CDC42BPG: variants seen among roughly 807,000 people sequenced by gnomAD.
CDC42BPG encodes the protein CDC42 binding protein kinase gamma, also known as serine/threonine-protein kinase MRCK gamma.
In CDC42BPG, 157 loss-of-function variants were observed where a neutral mutation model predicts 192.2. The ratio of observed to expected loss-of-function variants is 0.82; its 90% confidence interval spans 0.72 to 0.93. The LOEUF is 0.93. CDC42BPG is among the 40% of genes least tolerant of loss of function. The pLI, the probability that CDC42BPG is intolerant of heterozygous loss-of-function variation, is 0.00. For missense variants in CDC42BPG, 1,992 were observed against 2,122.1 expected (o/e 0.94, Z 1.20); for synonymous variants, 981 against 918.5 (o/e 1.07, Z -1.23).
At chr11:64,840,514 C>T in intron 4 of CDC42BPG, 39 bp downstream of exon 4, 1 of 1,598,020 alleles carries the variant, frequency 6.3e-7, no homozygotes, top group East Asian at 2.2e-5. Flanking sequence ...CTCCTGTGTC[C>T]CTAGGATGTT....
At position 64,836,224 on chromosome 11, in the gene CDC42BPG, C is replaced by T. The variant is rs1471224797; in HGVS notation, c.1561G>A (p.Glu521Lys). 6.2e-7 allele frequency: 1 copy of T among 1,600,308 alleles called. No individual in the cohort carries two copies. The highest frequency in any genetic ancestry group is 8.5e-7 in the Non-Finnish European group (1 of 1,175,658). Residue 521 changes from glutamate (E) to lysine (K), a missense_variant, in exon 13 of 37, where the codon GAG becomes AAG. Glu to Lys is a moderately conservative substitution (Grantham distance 56). Coordinates refer to ENST00000342711, the MANE Select transcript of CDC42BPG (RefSeq NM_017525.3). ...GCCTCCTGTAGCCTCTGAAGCAGCT[C>T]CTCCTGCTGCCCCTGGGCCCTGCAG... ...ELCRAQGQQEELLQRLQEAQE... is the reference protein window; with the variant it reads ...ELCRAQGQQEKLLQRLQEAQE...
chr11:64,836,729 G>GGGGGGGGGT lies in CDC42BPG; in HGVS notation c.1384+9_1384+10insACCCCCCCC. ...CCTGGGGGGGGGGGGGGGGTGGGCG[G>GGGGGGGGGT]AAGGGATACCTGGCAGCCTGTCCCG... On this transcript the variant is annotated intron_variant, in intron 11 of 36. Coordinates refer to ENST00000342711, the MANE Select transcript of CDC42BPG (RefSeq NM_017525.3). The GGGGGGGGGT allele has an allele frequency of 8.6e-7, 1 of 1,166,958 alleles. No individual in the cohort carries two copies. 72.3% of individuals were successfully genotyped at this position (1,166,958 alleles called of 1,614,324 possible). A position where few individuals can be genotyped will look rare whatever the true frequency, so the allele number is the denominator to read the frequency against.
rs776309492 is a variant in CDC42BPG at position 64,827,771 on chromosome 11, G to C, written c.3980C>G (p.Pro1327Arg). The change falls in exon 31 of 37, where the codon CCC (proline) becomes CGC (arginine). Residue 1327 changes from proline (P) to arginine (R), a missense_variant. Around this residue, in one of 2 missense-constraint regions of CDC42BPG, gnomAD observed 1,656 missense variants for 1,844.3 expected, o/e 0.90. Transcript: ENST00000342711. Reference protein sequence around the residue: ...AAPMGWGYAAPYLTVFSENSI... With the variant: ...AAPMGWGYAARYLTVFSENSI... ...GTTCTCGCTGAACACTGTCAGGTAG[G>C]GGGCCGCATACCCTGCGGGCACGCC... 6 of 1,610,572 alleles carry C rather than the reference G, an allele frequency of 3.7e-6. No individual in the cohort carries two copies. Among genetic ancestry groups the C allele is most frequent in the Admixed American group, 3.4e-5 (2 of 59,678 alleles).
chr11:64,827,037 C>T lies in CDC42BPG; in HGVS notation c.4389+13G>A, dbSNP rs769422630. On this transcript the variant is annotated intron_variant, in intron 34 of 36. Coordinates refer to ENST00000342711, the MANE Select transcript of CDC42BPG (RefSeq NM_017525.3). ...TCACCAAAGTGGCTTGTGATTGGCT[C>T]CAGAGGACTAACCGGGGACTTGTCC... 1 of 1,566,206 alleles carries T rather than the reference C, an allele frequency of 6.4e-7. No individual in the cohort carries two copies. The highest frequency in any genetic ancestry group is 8.8e-7 in the Non-Finnish European group (1 of 1,138,444).
chr11:64,830,835 G>A (rs967550306), intron 28 of CDC42BPG, among the ~76,000 whole-genome samples: 4 of 152,244 alleles, frequency 2.6e-5, no homozygotes, highest in African/African-American at 9.6e-5. Context: ...GAGATGTTAT[G>A]AGGCTCTGGG....
chr11:64,833,351 A>G lies in CDC42BPG; in HGVS notation c.2626-15T>C. The G allele has an allele frequency of 2.9e-6, 4 of 1,367,518 alleles. No homozygotes were observed. Among genetic ancestry groups the G allele is most frequent in the Non-Finnish European group, 4.0e-6 (4 of 1,001,550 alleles). 84.7% of individuals were successfully genotyped at this position (1,367,518 alleles called of 1,614,324 possible). On this transcript the variant is annotated splice_polypyrimidine_tract_variant and intron_variant, in intron 23 of 36. Transcript: ENST00000342711. ...TGTGAGCCGGGCTGGGGAGGGGGAC[A>G]GCCATTACCCAAGGCCTCCCAGGGC...
chr11:64,835,174 G>A, intron 16 of CDC42BPG, 21 bp from the exon 17 acceptor site: 1 of 1,602,088 alleles, frequency 6.2e-7, no homozygotes, highest in East Asian at 2.2e-5. Context: ...CCAGAGGAAA[G>A]GTCAGCCCCA....
Position 64,827,324 on chromosome 11 carries a change from G to C in CDC42BPG, c.4225C>G (p.Arg1409Gly). The part of the protein sequence containing the change: ...RQLFRTKSKR[R>G]FFFRVSEEQQ... Reference sequence around the variant, plus strand: ...TCCTCCGACACGCGGAAAAAGAAGCGGCGCTTGCTCTTGGTGCGGAACAGC... The same window carrying C: ...TCCTCCGACACGCGGAAAAAGAAGCCGCGCTTGCTCTTGGTGCGGAACAGC... Residue 1409 changes from arginine (R) to glycine (G), a missense_variant, in exon 33 of 37, where the codon CGC (arginine) becomes GGC (glycine). By Grantham distance (125) the Arg-to-Gly change is moderately radical (BLOSUM62 -2). Transcript: ENST00000342711. 3 of 1,614,060 alleles carry C rather than the reference G, an allele frequency of 1.9e-6. No individual in the cohort carries two copies. The highest frequency in any genetic ancestry group is 2.5e-6 in the Non-Finnish European group (3 of 1,179,968).
At chr11:64,828,293 ATTC>A (rs1942527748) in intron 30 of CDC42BPG, among the ~76,000 whole-genome samples, 2 of 151,868 alleles carry the variant, frequency 1.3e-5, no homozygotes, top group Admixed American at 1.3e-4. Context: ...TCATTCATTC[ATTC>A]ACTCTTCCAC....
intron 11 of CDC42BPG, 74 bp from the exon 12 acceptor site, chr11:64,836,604 C>A: frequency 7.0e-7 from 1 of 1,420,360 alleles, no homozygotes; most frequent in South Asian, 1.1e-5. Flanking sequence ...GTCTCCTTGG[C>A]CTGTTTCCCA....
At chr11:64,827,239 G>A in intron 33 of CDC42BPG, 39 bp downstream of exon 33, 1 of 1,612,986 alleles carries the variant, frequency 6.2e-7, no homozygotes, top group Non-Finnish European at 8.5e-7. Context: ...AGCGGAGGCG[G>A]CCCCACCCAG....
chr11:64,827,320 AAG>A lies in CDC42BPG; in HGVS notation c.4227_4228del (p.Phe1410LeufsTer136), dbSNP rs753120130. On this transcript the variant is annotated frameshift_variant, in exon 33 of 37. Transcript: ENST00000342711. LOFTEE classifies it high-confidence loss of function. ...CTGCTCCTCCGACACGCGGAAAAAG[AAG>A]CGGCGCTTGCTCTTGGTGCGGAACA... 1 of 1,613,928 alleles carries A rather than the reference AAG, an allele frequency of 6.2e-7. No homozygotes were observed. Among genetic ancestry groups the A allele is most frequent in the Non-Finnish European group, 8.5e-7 (1 of 1,179,908 alleles).
rs1324937663 is a variant in CDC42BPG, at chr11:64,835,206, G to A, written c.1954-53C>T. ...CCCAGGCCCCAGCAGTCCTGGGACT[G>A]CCGTCTCCCTGTAGGTACCCCAGCA... On this transcript the variant is annotated intron_variant, in intron 16 of 36. Transcript: ENST00000342711. The A allele has an allele frequency of 2.5e-6, 4 of 1,601,750 alleles. No individual in the cohort carries two copies. The African/African-American group carries it at 4.0e-5, about 16-fold the overall frequency.
At position 64,837,611 on chromosome 11, in the gene CDC42BPG, G is replaced by A. The variant is rs527414719; in HGVS notation, c.1205+472C>T. Among the ~76,000 whole-genome samples the A allele has an allele frequency of 3.3e-5, 5 of 152,338 alleles. No individual in the cohort carries two copies. In the South Asian group the frequency reaches 1.0e-3, roughly 32 times the overall value. ...CAAGTAGCTGGGATTACAGGCGCCC[G>A]CCACCACGCCCGGCTAATTTTTGTA... is the stretch of plus-strand genomic sequence containing the variant. On this transcript the variant is annotated intron_variant, in intron 9 of 36. Transcript: ENST00000342711.
At chr11:64,840,802 A>C (rs1943247246) in intron 3 of CDC42BPG, among the ~76,000 whole-genome samples, 154 bp from the exon 4 acceptor site, 1 of 152,184 alleles carries the variant, frequency 6.6e-6, no homozygotes, top group Non-Finnish European at 1.5e-5. Flanking sequence ...GACTGAGCCC[A>C]AGCCCACGCT....
chr11:64,836,704 C>CT, intron 11 of CDC42BPG, 35 bp downstream of exon 11: 2 of 455,580 alleles, frequency 4.4e-6, no homozygotes, highest in Non-Finnish European at 5.7e-6. Flanking sequence ...GGGACTCAGC[C>CT]CTGGGGGGGG....
chr11:64,835,442 C>G (rs372844893), intron 15 of CDC42BPG, 23 bp from the exon 16 acceptor site: 2 of 1,612,832 alleles, frequency 1.2e-6, no homozygotes, highest in Non-Finnish European at 8.5e-7. Flanking sequence ...AGGCCAAGGC[C>G]GTGACTCACC....
rs1056163237 is a variant in CDC42BPG at position 64,826,440 on chromosome 11, G to A, written c.4599+30C>T. ...ACGGAACTGCCTGACGTTTGAATAG[G>A]GGACGGACAAGCCTCCCGGACCCGC... On this transcript the variant is annotated intron_variant, in intron 36 of 36. Transcript: ENST00000342711. 4.0e-6 allele frequency: 6 copies of A among 1,505,296 alleles called. No homozygotes were observed. In the Admixed American group the frequency reaches 5.7e-5, roughly 14 times the overall value. The allele number at this position is 1,505,296 out of a possible 1,614,324, so 93.2% of individuals were successfully genotyped here.
At chr11:64,833,363 A>C in intron 23 of CDC42BPG, 27 bp from the exon 24 acceptor site, 1 of 1,235,922 alleles carries the variant, frequency 8.1e-7, no homozygotes, top group African/African-American at 1.5e-5. Context: ...CCATTACCCA[A>C]GGCCTCCCAG....
Sources: gnomAD v4.1 joint callset for allele counts (sites outside exome capture counted in the v4.1 genomes callset) on GRCh38, gnomAD v4.1.1 for gene constraint, gnomAD v4.1.1 regional missense constraint, MANE v1.5 for transcripts, NCBI Gene and HGNC (gene_info 2026-07-23, HGNC 2026-07-21) for gene names.